The following PSMD1 variants were observed in gnomAD, a reference collection of about 807,000 sequenced individuals.
PSMD1 encodes the protein proteasome 26S subunit, non-ATPase 1.
A neutral mutation model predicts 119.0 loss-of-function variants in PSMD1; 18 were observed. The observed-to-expected ratio is 0.15, with a 90% CI of 0.10 to 0.22. PSMD1 has a LOEUF of 0.22. PSMD1 is among the 10% of genes least tolerant of loss of function. PSMD1 has a pLI of 1.00. For synonymous variants in PSMD1, 374 were observed against 396.6 expected, an observed-to-expected ratio of 0.94 and a Z score of 0.68; for missense variants, 702 against 1,158.5, an observed-to-expected ratio of 0.61 and a Z score of 5.72.
At chr2:231,165,351 C>T in intron 22 of PSMD1, 65 bp downstream of exon 22, 1 of 1,463,684 alleles carries the variant, frequency 6.8e-7, no homozygotes, top group South Asian at 1.3e-5. Context: ...CGAGATTCTT[C>T]CTTAGTTGAA....
chr2:231,059,675 T>G (rs1248414019), intron 1 of PSMD1, among the ~76,000 whole-genome samples: 1 of 152,262 alleles, frequency 6.6e-6, no homozygotes, highest in Non-Finnish European at 1.5e-5. Flanking sequence ...TTTTAAGCTG[T>G]GTCTTCTGGA....
rs114109385 is a variant in PSMD1 at position 231,077,016 on chromosome 2, T to G, written c.943-18T>G. 4.9e-4 allele frequency: 772 copies of G among 1,580,632 alleles called. No individual in the cohort carries two copies. Among genetic ancestry groups the G allele is most frequent in the African/African-American group, 3.6e-3 (263 of 72,502 alleles). ...TACTGTTTATGAGTTTTCATTTTTT[T>G]TTTGTTTGTTTTGGCAGAGTCCAGA... On this transcript the variant is annotated intron_variant, in intron 8 of 24. Coordinates refer to ENST00000308696, the MANE Select transcript of PSMD1 (RefSeq NM_002807.4).
At chr2:231,087,836 C>T (rs961534052) in intron 16 of PSMD1, among the ~76,000 whole-genome samples, 2 of 152,082 alleles carry the variant, frequency 1.3e-5, no homozygotes, top group African/African-American at 4.8e-5. Context: ...GTGGCACGCA[C>T]CTGTAATCTC....
intron 12 of PSMD1, among the ~76,000 whole-genome samples, chr2:231,082,432 G>C (rs977662821): frequency 1.3e-5 from 2 of 152,174 alleles, no homozygotes; most frequent in Non-Finnish European, 2.9e-5. Flanking sequence ...GGCTGGACAC[G>C]GTGGCTCACA....
intron 16 of PSMD1, among the ~76,000 whole-genome samples, chr2:231,106,949 C>G (rs1694992652): frequency 6.6e-6 from 1 of 152,074 alleles, no homozygotes; most frequent in African/African-American, 2.4e-5. Flanking sequence ...GAATATAAAT[C>G]TTAACATATG....
chr2:231,078,870 C>A, intron 10 of PSMD1, 123 bp downstream of exon 10: 1 of 604,040 alleles, frequency 1.7e-6, no homozygotes, highest in Non-Finnish European at 2.6e-6. Context: ...TCTCGGCTCA[C>A]TGCAACTTCC....
chr2:231,119,636 C>T (rs550413942), intron 16 of PSMD1, among the ~76,000 whole-genome samples: 286 of 152,076 alleles, frequency 1.9e-3, no homozygotes, highest in Non-Finnish European at 3.0e-3. Context: ...TTTGGGAGGC[C>T]GAGGCAGGTG....
chr2:231,077,778 G>A (rs6436999), intron 9 of PSMD1, among the ~76,000 whole-genome samples: 71,661 of 151,908 alleles, frequency 0.47, 20,664 homozygotes, highest in African/African-American at 0.81. Context: ...TATTTATCCA[G>A]TACCCCTTCG....
At chr2:231,143,580 T>G (rs1275547903) in intron 17 of PSMD1, among the ~76,000 whole-genome samples, 1 of 152,172 alleles carries the variant, frequency 6.6e-6, no homozygotes, top group Non-Finnish European at 1.5e-5. Flanking sequence ...AGAGTGTGAA[T>G]AGAAGTTATA....
intron 16 of PSMD1, among the ~76,000 whole-genome samples, chr2:231,128,054 A>G (rs2125239094): frequency 6.6e-6 from 1 of 152,330 alleles, no homozygotes; most frequent in Admixed American, 6.5e-5. Context: ...GGGCAGTCTA[A>G]TATTCTTTAT....
chr2:231,105,231 T>G (rs1318364277), intron 16 of PSMD1, among the ~76,000 whole-genome samples: 1 of 152,204 alleles, frequency 6.6e-6, no homozygotes, highest in Admixed American at 6.5e-5. Flanking sequence ...ATTAATTTGA[T>G]AACTATTCTT....
At chr2:231,122,721 C>T (rs1426141734) in intron 16 of PSMD1, among the ~76,000 whole-genome samples, 4 of 151,882 alleles carry the variant, frequency 2.6e-5, no homozygotes, top group Non-Finnish European at 4.4e-5. Context: ...CTTTTATTAT[C>T]GCAATAACTA....
intron 21 of PSMD1, 40 bp from the exon 22 acceptor site, chr2:231,165,160 A>T (rs747604905): frequency 1.3e-6 from 2 of 1,514,604 alleles, no homozygotes; most frequent in South Asian, 2.5e-5. Flanking sequence ...TTTGTATGTC[A>T]GTAAGGGATT....
chr2:231,115,157 G>T lies in PSMD1; in HGVS notation c.1884-23579G>T, dbSNP rs1210638754. ...TTGTTAACTGTTTAAAATTTAAGGA[G>T]CCTGGGGGTGGAGAGAGATTAAAAT... On this transcript the variant is annotated intron_variant, in intron 16 of 24. Coordinates refer to ENST00000308696, the MANE Select transcript of PSMD1 (RefSeq NM_002807.4). 2.6e-5 allele frequency among the ~76,000 whole-genome samples: 4 copies of T among 151,692 alleles called. No homozygotes were observed. In the East Asian group the frequency reaches 7.7e-4, roughly 29 times the overall value.
At chr2:231,148,851 T>C (rs1340274233) in intron 18 of PSMD1, among the ~76,000 whole-genome samples, 1 of 152,208 alleles carries the variant, frequency 6.6e-6, no homozygotes, top group East Asian at 1.9e-4. Flanking sequence ...GGAGATGGTA[T>C]ACAGCATGTT....
At chr2:231,099,588 G>T (rs942537481) in intron 16 of PSMD1, among the ~76,000 whole-genome samples, 2 of 152,090 alleles carry the variant, frequency 1.3e-5, no homozygotes, top group Non-Finnish European at 2.9e-5. Context: ...CTTGCTTGGG[G>T]TATTTCCCAT....
At chr2:231,077,471 C>A (rs184558023) in intron 9 of PSMD1, among the ~76,000 whole-genome samples, 5 of 152,062 alleles carry the variant, frequency 3.3e-5, no homozygotes, top group African/African-American at 1.2e-4. Context: ...TTAAGATAGG[C>A]TCTTGAGCCG....
chr2:231,127,550 TCGCCATG>T (rs1695755954), intron 16 of PSMD1, among the ~76,000 whole-genome samples: 1 of 152,186 alleles, frequency 6.6e-6, no homozygotes, highest in Non-Finnish European at 1.5e-5. Context: ...AGACGGGGTT[TCGCCATG>T]TTGACCAGGA....
Position 231,119,857 on chromosome 2 carries a change from G to A in PSMD1, c.1884-18879G>A, listed in dbSNP as rs182888066. On this transcript the variant is annotated intron_variant, in intron 16 of 24. Transcript: ENST00000308696. ...TGCCCTGCAGTCTGGGCAACAGAAC[G>A]AGACTCCGTCTCAAAAAAAAAAAAA... Among the ~76,000 whole-genome samples, 957 of 109,148 alleles carry A rather than the reference G, an allele frequency of 8.8e-3. 19 individuals are homozygous for A. The highest frequency in any genetic ancestry group is 0.038 in the African/African-American group (912 of 24,260). The allele number at this position is 109,148 out of a possible 152,430, so 71.6% of individuals were successfully genotyped here. A position where few individuals can be genotyped will look rare whatever the true frequency, so the allele number is the denominator to read the frequency against.
Sources: allele counts gnomAD v4.1 joint callset (sites outside exome capture counted in the v4.1 genomes callset), GRCh38; gene constraint gnomAD v4.1.1; transcripts MANE v1.5; gene names NCBI Gene and HGNC (gene_info 2026-07-23, HGNC 2026-07-21).